Variants in CCDC146 observed in about 807,000 individuals in gnomAD.
CCDC146 encodes coiled-coil domain-containing protein 146.
Under a neutral mutation model 119.3 loss-of-function variants are expected in CCDC146, and 92 were observed. The ratio of observed to expected loss-of-function variants is 0.77; its 90% CI spans 0.65 to 0.92. CCDC146 has a LOEUF of 0.92. Ranked by LOEUF, CCDC146 falls within the 40% of genes least tolerant of loss-of-function variation. CCDC146 has a pLI of 0.00. For synonymous variants in CCDC146, 372 were observed against 371.8 expected, an observed-to-expected ratio of 1.00 and a Z score of -0.01; for missense variants, 1,000 against 1,103.0, an observed-to-expected ratio of 0.91 and a Z score of 1.32.
intron 2 of CCDC146, chr7:77,199,241 T>G (rs746035871): frequency 6.2e-7 from 1 of 1,613,986 alleles, no homozygotes; most frequent in South Asian, 1.1e-5. Flanking sequence ...TCCAAACTAT[T>G]GACAACAAAT....
intron 2 of CCDC146, among the ~76,000 whole-genome samples, chr7:77,214,979 G>A (rs963850754): frequency 6.6e-6 from 1 of 151,902 alleles, no homozygotes; most frequent in African/African-American, 2.4e-5. Flanking sequence ...AATTCATTAG[G>A]AATTTTAAAT....
chr7:77,232,932 A>G (rs1384397372), intron 2 of CCDC146, among the ~76,000 whole-genome samples: 1 of 152,328 alleles, frequency 6.6e-6, no homozygotes, highest in African/African-American at 2.4e-5. Context: ...GATGCAGCCC[A>G]TGGTTCAAAT....
chr7:77,181,734 A>C (rs534357535), intron 2 of CCDC146, among the ~76,000 whole-genome samples: 1 of 152,222 alleles, frequency 6.6e-6, no homozygotes, highest in East Asian at 1.9e-4. Context: ...TTGTGAGTTT[A>C]TTGTATTTTG....
intron 3 of CCDC146, among the ~76,000 whole-genome samples, chr7:77,237,830 C>T (rs1300568161): frequency 2.0e-5 from 3 of 152,138 alleles, no homozygotes; most frequent in Admixed American, 1.3e-4. Flanking sequence ...AGGGAAAACC[C>T]TAATGTGCTG....
At chr7:77,151,320 C>A (rs1791105671) in intron 1 of CCDC146, among the ~76,000 whole-genome samples, 1 of 152,174 alleles carries the variant, frequency 6.6e-6, no homozygotes, top group East Asian at 1.9e-4. Flanking sequence ...ACAACAGATT[C>A]TCTTTACATG....
chr7:77,164,981 G>T (rs892485157), intron 1 of CCDC146, among the ~76,000 whole-genome samples: 13 of 152,202 alleles, frequency 8.5e-5, no homozygotes, highest in Admixed American at 3.9e-4. Flanking sequence ...AGAGAAGAGT[G>T]TAAGTATAAT....
intron 2 of CCDC146, among the ~76,000 whole-genome samples, chr7:77,211,218 C>T (rs1019824843): frequency 2.6e-5 from 4 of 152,136 alleles, no homozygotes; most frequent in African/African-American, 9.7e-5. Flanking sequence ...CTTTTATTAT[C>T]ATTTTTTTCT....
At chr7:77,164,048 A>C (rs960686427) in intron 1 of CCDC146, among the ~76,000 whole-genome samples, 4 of 151,670 alleles carry the variant, frequency 2.6e-5, no homozygotes, top group African/African-American at 9.7e-5. Flanking sequence ...TTTTTAGTAG[A>C]GATGGGGTTT....
intron 1 of CCDC146, among the ~76,000 whole-genome samples, chr7:77,165,128 T>A (rs2117478340): frequency 6.6e-6 from 1 of 152,278 alleles, no homozygotes; most frequent in East Asian, 1.9e-4. Context: ...GTCACCAAAG[T>A]GGACCAATGG....
intron 2 of CCDC146, among the ~76,000 whole-genome samples, chr7:77,210,022 T>G (rs1472817168): frequency 1.3e-5 from 2 of 152,318 alleles, no homozygotes; most frequent in African/African-American, 4.8e-5. Flanking sequence ...CTTGGAGACA[T>G]TTTCTTCATT....
intron 5 of CCDC146, 21 bp downstream of exon 5, chr7:77,254,584 A>G: frequency 7.6e-7 from 1 of 1,313,290 alleles, no homozygotes. Flanking sequence ...GATGATATAG[A>G]GTTTCTTAAA....
intron 2 of CCDC146, among the ~76,000 whole-genome samples, chr7:77,180,690 C>T (rs989439595): frequency 2.0e-5 from 3 of 151,846 alleles, no homozygotes; most frequent in Admixed American, 6.6e-5. Flanking sequence ...AGTGAGACCT[C>T]GTCTCAAAAA....
chr7:77,216,264 A>G (rs568530157), intron 2 of CCDC146, among the ~76,000 whole-genome samples: 101 of 152,198 alleles, frequency 6.6e-4, no homozygotes, highest in Non-Finnish European at 9.6e-4. Flanking sequence ...TCCTCACAGC[A>G]TTAATTCGAC....
intron 2 of CCDC146, among the ~76,000 whole-genome samples, chr7:77,211,609 T>TTTTA (rs373598499): frequency 3.3e-5 from 5 of 151,668 alleles, no homozygotes; most frequent in East Asian, 1.9e-4. Context: ...TTTTTTTTAT[T>TTTTA]TTTATTTATT....
chr7:77,231,494 C>T (rs1314971832), intron 2 of CCDC146, among the ~76,000 whole-genome samples: 1 of 152,090 alleles, frequency 6.6e-6, no homozygotes, highest in Non-Finnish European at 1.5e-5. Context: ...TCTTGGAGCA[C>T]ATCCCCCATG....
At chr7:77,130,850 G>A (rs925286312) in intron 1 of CCDC146, among the ~76,000 whole-genome samples, 1 of 149,578 alleles carries the variant, frequency 6.7e-6, no homozygotes, top group African/African-American at 2.5e-5. Context: ...GCCCGTCTGG[G>A]CCTCCCAAAG....
chr7:77,207,151 A>G (rs531413041), intron 2 of CCDC146, among the ~76,000 whole-genome samples: 6 of 152,326 alleles, frequency 3.9e-5, no homozygotes, highest in African/African-American at 1.2e-4. Context: ...ATTGAAATAC[A>G]TGGGTATCTC....
chr7:77,247,492 T>G (rs1433204748), intron 4 of CCDC146, among the ~76,000 whole-genome samples: 1 of 152,230 alleles, frequency 6.6e-6, no homozygotes, highest in Non-Finnish European at 1.5e-5. Flanking sequence ...AAGGCATAAC[T>G]ATTTAAAGAT....
intron 1 of CCDC146, among the ~76,000 whole-genome samples, chr7:77,134,585 G>C (rs1467828585): frequency 6.6e-6 from 1 of 150,950 alleles, no homozygotes; most frequent in Non-Finnish European, 1.5e-5. Flanking sequence ...GTGTGTGTGT[G>C]TGTGTGTGTG....
Sources: allele counts gnomAD v4.1 joint callset (sites outside exome capture counted in the v4.1 genomes callset), GRCh38; gene constraint gnomAD v4.1.1; transcripts MANE v1.5; gene names NCBI Gene and HGNC (gene_info 2026-07-23, HGNC 2026-07-21).